GATAD2A: variants seen among roughly 807,000 people sequenced by gnomAD.
GATAD2A encodes transcriptional repressor p66-alpha.
A neutral mutation model predicts 68.5 loss-of-function variants in GATAD2A; 12 were observed. That is an observed-to-expected ratio of 0.18 (90% CI 0.11 to 0.28). The LOEUF (loss-of-function observed/expected upper bound fraction) is 0.28, where lower values mean the gene tolerates loss of function less well. Among genes scored for constraint, GATAD2A ranks in the 10% least tolerant of loss-of-function variants. The pLI, the probability that GATAD2A is intolerant of heterozygous loss-of-function variation, is 1.00. For synonymous variants in GATAD2A, 410 were observed against 375.3 expected, an observed-to-expected ratio of 1.09 and a Z score of -1.07; for missense variants, 755 against 868.5, an observed-to-expected ratio of 0.87 and a Z score of 1.64.
At chr19:19,434,998 CA>C (rs2054163946) in intron 1 of GATAD2A, 2 of 445,340 alleles carry the variant, frequency 4.5e-6, no homozygotes, top group African/African-American at 4.0e-5. Flanking sequence ...GGGTCCATGA[CA>C]GACAACATGA....
chr19:19,416,018 C>T (rs1411430847), intron 1 of GATAD2A, among the ~76,000 whole-genome samples: 3 of 152,078 alleles, frequency 2.0e-5, no homozygotes, highest in Non-Finnish European at 4.4e-5. Flanking sequence ...AGTGCAGAGG[C>T]TCATGATCAC....
chr19:19,407,350 C>T (rs114980012), intron 1 of GATAD2A, among the ~76,000 whole-genome samples: 4,821 of 152,304 alleles, frequency 0.032, 244 homozygotes, highest in African/African-American at 0.11. Flanking sequence ...TACTAGCCCT[C>T]GGGTTTGAGT....
chr19:19,491,116 C>G (rs1295194028), intron 2 of GATAD2A, among the ~76,000 whole-genome samples: 2 of 152,150 alleles, frequency 1.3e-5, no homozygotes, highest in Non-Finnish European at 2.9e-5. Flanking sequence ...GTGTTCCTGC[C>G]TGGGTCAAAT....
chr19:19,500,344 G>T lies in GATAD2A; in HGVS notation c.1205-774G>T, dbSNP rs146907771. ...AGGGGCCAGGCCAGTCCAGGCAGGA[G>T]AGGGAAGGCCGAGAGTCTCGCCACA... On this transcript the variant is annotated intron_variant, in intron 8 of 11. Transcript: ENST00000683918. Among the ~76,000 whole-genome samples the T allele has an allele frequency of 2.3e-4, 35 of 152,326 alleles. No individual in the cohort carries two copies. The East Asian group carries it at 3.1e-3, about 13-fold the overall frequency.
In GATAD2A at chr19:19,422,873, G is replaced by A. The variant is rs959179652; in HGVS notation, c.-7+16854G>A. Reference sequence around the variant, plus strand: ...ACTACAGGCGCCCACCACCACGCCCGGCTAATTTTTTGTATTTTTAGTAGA... The same window carrying A: ...ACTACAGGCGCCCACCACCACGCCCAGCTAATTTTTTGTATTTTTAGTAGA... On this transcript the variant is annotated intron_variant, in intron 1 of 11. Transcript: ENST00000683918. Among the ~76,000 whole-genome samples the A allele has an allele frequency of 3.3e-5, 5 of 151,748 alleles. No homozygotes were observed. In the South Asian group the frequency reaches 8.3e-4, roughly 25 times the overall value.
rs2148463559 is a variant in GATAD2A, at chr19:19,498,662, A to G, written c.1144A>G (p.Asn382Asp). The change falls in exon 8 of 12, where the codon AAC (asparagine) becomes GAC (aspartate). Residue 382 changes from asparagine to aspartate, a missense_variant. Asn to Asp is a conservative substitution (Grantham distance 23). Coordinates refer to ENST00000683918, the MANE Select transcript of GATAD2A (RefSeq NM_001384528.1). ...EMNFLPSAAN[N>D]EFIYLVGLEE... Reference sequence around the variant, plus strand: ...GAACTTCCTGCCCAGCGCCGCCAACAACGAGTTCATCTACCTGGTCGGCCT... The same window carrying G: ...GAACTTCCTGCCCAGCGCCGCCAACGACGAGTTCATCTACCTGGTCGGCCT... 6.2e-7 allele frequency: 1 copy of G among 1,613,892 alleles called. No individual in the cohort carries two copies. The highest frequency in any genetic ancestry group is 1.1e-5 in the South Asian group (1 of 91,082).
chr19:19,486,872 A>G (rs2059474297), intron 2 of GATAD2A, among the ~76,000 whole-genome samples: 1 of 152,218 alleles, frequency 6.6e-6, no homozygotes, highest in Non-Finnish European at 1.5e-5. Flanking sequence ...TGCAGGAGCC[A>G]TGGAGAGGGA....
At chr19:19,424,522 G>A (rs553065149) in intron 1 of GATAD2A, among the ~76,000 whole-genome samples, 41 of 152,176 alleles carry the variant, frequency 2.7e-4, no homozygotes, top group African/African-American at 8.9e-4. Context: ...GAGACACTGC[G>A]CCTGACCTCC....
intron 1 of GATAD2A, among the ~76,000 whole-genome samples, chr19:19,389,318 G>T (rs1282509887): frequency 6.6e-6 from 1 of 152,172 alleles, no homozygotes; most frequent in South Asian, 2.1e-4. Context: ...TATAGGCTGC[G>T]CTAGTGTTTG....
At chr19:19,429,977 G>A (rs1021228100) in intron 1 of GATAD2A, among the ~76,000 whole-genome samples, 3 of 152,090 alleles carry the variant, frequency 2.0e-5, no homozygotes, top group African/African-American at 7.2e-5. Flanking sequence ...TGACTTCTTG[G>A]CGGCAGCTTG....
In GATAD2A at chr19:19,492,293, C is replaced by T. The variant is rs775334252; in HGVS notation, c.270-13C>T. On this transcript the variant is annotated splice_polypyrimidine_tract_variant and intron_variant, in intron 2 of 11. Transcript: ENST00000683918. Reference sequence around the variant, plus strand: ...TCAAGGGCGCTCTGGTCACTACTGTCTCCACCCCACAGTGACATGAAGTCC... The same window carrying T: ...TCAAGGGCGCTCTGGTCACTACTGTTTCCACCCCACAGTGACATGAAGTCC... The T allele has an allele frequency of 1.9e-6, 3 of 1,596,440 alleles. No homozygotes were observed. The highest frequency in any genetic ancestry group is 2.3e-5 in the East Asian group (1 of 43,768).
upstream of GATAD2A, among the ~76,000 whole-genome samples, chr19:19,400,936 T>C (rs1250703274): frequency 1.3e-5 from 2 of 151,574 alleles, no homozygotes; most frequent in Non-Finnish European, 2.9e-5. Context: ...AGGCTAGGAG[T>C]TTGAGACCAA....
In GATAD2A at chr19:19,494,368, C is replaced by G. The variant is rs1287088769; in HGVS notation, c.609C>G (p.Gly203=). The change falls in exon 5 of 12, where the codon GGC becomes GGG. Residue 203 remains glycine, a synonymous_variant. Coordinates refer to ENST00000683918, the MANE Select transcript of GATAD2A (RefSeq NM_001384528.1). ...LVRGTQNIPA[G]KPSLQTSSAR... ...GGGGCACTCAGAACATTCCTGCTGG[C>G]AAGCCATCACTCCAGGTCAGTGTCC... 1.9e-6 allele frequency: 3 copies of G among 1,606,292 alleles called. No homozygotes were observed. Among genetic ancestry groups the G allele is most frequent in the African/African-American group, 2.7e-5 (2 of 74,828 alleles).
intron 2 of GATAD2A, among the ~76,000 whole-genome samples, chr19:19,479,259 T>C (rs2058887643): frequency 6.6e-6 from 1 of 152,236 alleles, no homozygotes; most frequent in Admixed American, 6.5e-5. Context: ...TTTTTAAAAC[T>C]AACTTTTAAT....
intron 1 of GATAD2A, among the ~76,000 whole-genome samples, chr19:19,436,662 G>A (rs1428264314): frequency 6.6e-6 from 1 of 152,238 alleles, no homozygotes; most frequent in Non-Finnish European, 1.5e-5. Flanking sequence ...TCATGGCAAA[G>A]CTAAGCTGCC....
At chr19:19,412,055 G>A (rs1350719019) in intron 1 of GATAD2A, among the ~76,000 whole-genome samples, 2 of 151,050 alleles carry the variant, frequency 1.3e-5, no homozygotes, top group Non-Finnish European at 2.9e-5. Context: ...CCTGGGCAAT[G>A]TAGCAATCCC....
chr19:19,409,774 G>A (rs1262408602), intron 1 of GATAD2A, among the ~76,000 whole-genome samples: 1 of 152,306 alleles, frequency 6.6e-6, no homozygotes, highest in Non-Finnish European at 1.5e-5. Context: ...GACAGATCCC[G>A]CTCGAGCATG....
chr19:19,420,723 CAG>C (rs1322792174), intron 1 of GATAD2A, among the ~76,000 whole-genome samples: 1 of 151,876 alleles, frequency 6.6e-6, no homozygotes, highest in African/African-American at 2.4e-5. Context: ...GTGCTGATAA[CAG>C]TGTGGGTTCC....
At chr19:19,487,044 T>G (rs2059485380) in intron 2 of GATAD2A, among the ~76,000 whole-genome samples, 1 of 152,146 alleles carries the variant, frequency 6.6e-6, no homozygotes, top group African/African-American at 2.4e-5. Flanking sequence ...AAGGAGCTAC[T>G]CCACAGGAGC....
Sources: allele counts gnomAD v4.1 joint callset (sites outside exome capture counted in the v4.1 genomes callset), GRCh38; gene constraint gnomAD v4.1.1; transcripts MANE v1.5; gene names NCBI Gene and HGNC (gene_info 2026-07-23, HGNC 2026-07-21).